The following FAM169A variants were observed in gnomAD, a reference collection of about 807,000 sequenced individuals.
FAM169A encodes soluble lamin-associated protein of 75 kDa.
FAM169A carries 24 observed loss-of-function variants against 75.7 expected under a neutral mutation model. That is an observed-to-expected ratio of 0.32 (90% CI 0.23 to 0.45). The LOEUF is 0.45. FAM169A is among the 20% of genes least tolerant of loss of function. The pLI, the probability that FAM169A is intolerant of heterozygous loss-of-function variation, is 1.00. For missense variants in FAM169A, 673 were observed against 784.0 expected, an observed-to-expected ratio of 0.86 and a Z score of 1.69; for synonymous variants, 271 against 271.0, an observed-to-expected ratio of 1.00 and a Z score of 0.00.
intron 11 of FAM169A, among the ~76,000 whole-genome samples, chr5:74,794,268 CCTGT>C (rs1389306066): frequency 6.7e-6 from 1 of 149,374 alleles, no homozygotes; most frequent in Non-Finnish European, 1.5e-5. Context: ...GTGGCGGGCA[CCTGT>C]ACTCCCAGCT....
chr5:74,782,182 A>C (rs1346907247), intron 12 of FAM169A, among the ~76,000 whole-genome samples, 174 bp from the exon 13 acceptor site: 1 of 152,170 alleles, frequency 6.6e-6, no homozygotes, highest in Non-Finnish European at 1.5e-5. Context: ...TCTGAATACA[A>C]CTCAATTTCT....
At chr5:74,849,185 G>A (rs1261051926) in intron 1 of FAM169A, among the ~76,000 whole-genome samples, 1 of 152,160 alleles carries the variant, frequency 6.6e-6, no homozygotes, top group African/African-American at 2.4e-5. Flanking sequence ...CTAAGATCAT[G>A]AGCATCTGCT....
At chr5:74,838,860 C>A (rs1748704733) in intron 4 of FAM169A, 105 bp downstream of exon 4, 3 of 826,790 alleles carry the variant, frequency 3.6e-6, no homozygotes, top group Non-Finnish European at 6.2e-6. Context: ...TTTAATATAA[C>A]CTGATTATTT....
At chr5:74,798,464 G>T (rs1184530792) in intron 10 of FAM169A, among the ~76,000 whole-genome samples, 2 of 152,002 alleles carry the variant, frequency 1.3e-5, no homozygotes, top group Non-Finnish European at 2.9e-5. Flanking sequence ...TTTATTACTA[G>T]ATTTAAATAT....
Position 74,781,852 on chromosome 5 carries a change from C to T in FAM169A, c.1621G>A (p.Gly541Ser). 1 of 1,614,076 alleles carries T rather than the reference C, an allele frequency of 6.2e-7. No individual in the cohort carries two copies. Among genetic ancestry groups the T allele is most frequent in the Non-Finnish European group, 8.5e-7 (1 of 1,180,006 alleles). The change falls in exon 13 of 13, where the codon GGT becomes AGT. Residue 541 changes from glycine (G) to serine (S), a missense_variant. Coordinates refer to ENST00000687041, the MANE Select transcript of FAM169A (RefSeq NM_001376049.1). ...ATMSNEERSD[G>S]GFPNSVIAEF... ...GCTATCACAGAGTTTGGAAAACCAC[C>T]ATCAGATCGTTCTTCATTTGACATA...
chr5:74,841,928 A>G (rs1337942622), intron 1 of FAM169A, among the ~76,000 whole-genome samples: 2 of 152,212 alleles, frequency 1.3e-5, no homozygotes, highest in African/African-American at 4.8e-5. Context: ...TCCTTACATA[A>G]TAAATATGGT....
intron 5 of FAM169A, among the ~76,000 whole-genome samples, chr5:74,821,557 G>A (rs1028267622): frequency 7.9e-5 from 12 of 152,170 alleles, no homozygotes; most frequent in African/African-American, 2.7e-4. Context: ...ATCCTCAGAT[G>A]AGCGAACCTG....
Position 74,780,952 on chromosome 5 carries a change from AT to A in FAM169A, c.*507del, listed in dbSNP as rs888862051. On this transcript the variant is annotated 3_prime_UTR_variant, in exon 13 of 13. Transcript: ENST00000687041. The stretch of plus-strand genomic sequence containing the variant: ...CGTAAGTTTCTGTTTTTGTGCTCTC[AT>A]TTACTTGAAGTTATATTTTTTCTAA... 1 of 152,378 alleles carries A rather than the reference AT, an allele frequency of 6.6e-6. No individual in the cohort carries two copies. Among genetic ancestry groups the A allele is most frequent in the Admixed American group, 6.5e-5 (1 of 15,300 alleles). 9.4% of individuals were successfully genotyped at this position (152,378 alleles called of 1,614,324 possible).
chr5:74,832,739 A>T (rs1209540100), intron 5 of FAM169A, among the ~76,000 whole-genome samples: 1 of 151,604 alleles, frequency 6.6e-6, no homozygotes, highest in Non-Finnish European at 1.5e-5. Context: ...ATTTCTCTAA[A>T]ATATTTAAAT....
At chr5:74,831,804 C>T (rs1352262546) in intron 5 of FAM169A, among the ~76,000 whole-genome samples, 1 of 152,086 alleles carries the variant, frequency 6.6e-6, no homozygotes, top group Non-Finnish European at 1.5e-5. Context: ...TCTGCTTCCT[C>T]CCTAGAGCTT....
chr5:74,813,252 T>C (rs1018558394), intron 6 of FAM169A, among the ~76,000 whole-genome samples: 1 of 152,206 alleles, frequency 6.6e-6, no homozygotes, highest in Non-Finnish European at 1.5e-5. Context: ...ATTGAACAAC[T>C]ATGAATATAC....
At chr5:74,782,052 T>C (rs1160080157) in intron 12 of FAM169A, 44 bp from the exon 13 acceptor site, 1 of 1,449,104 alleles carries the variant, frequency 6.9e-7, no homozygotes, top group South Asian at 1.3e-5. Flanking sequence ...TGTACTACAG[T>C]TCTAAAAATA....
chr5:74,862,679 A>G (rs1028374137), intron 1 of FAM169A, among the ~76,000 whole-genome samples: 1 of 152,214 alleles, frequency 6.6e-6, no homozygotes, highest in South Asian at 2.1e-4. Context: ...TACACCTTAC[A>G]AGGACTACTG....
intron 11 of FAM169A, 32 bp from the exon 12 acceptor site, chr5:74,783,166 G>A: frequency 6.6e-7 from 1 of 1,511,502 alleles, no homozygotes; most frequent in Non-Finnish European, 9.1e-7. Context: ...AAAAAGTAAG[G>A]ACATGATTAC....
intron 10 of FAM169A, chr5:74,799,099 A>G: frequency 6.1e-6 from 6 of 981,364 alleles, no homozygotes; most frequent in Non-Finnish European, 9.9e-6. Flanking sequence ...GCACATCTAT[A>G]AGAAGAATGG....
At chr5:74,850,476 T>C (rs1749385035) in intron 1 of FAM169A, among the ~76,000 whole-genome samples, 1 of 152,200 alleles carries the variant, frequency 6.6e-6, no homozygotes, top group Non-Finnish European at 1.5e-5. Flanking sequence ...TGGTATGTTT[T>C]AGGCCTTCAA....
At chr5:74,814,237 T>A (rs1580117231) in intron 5 of FAM169A, among the ~76,000 whole-genome samples, 2 of 152,174 alleles carry the variant, frequency 1.3e-5, no homozygotes, top group East Asian at 3.8e-4. Flanking sequence ...TGTTTGCTAG[T>A]AGTATCATCA....
chr5:74,866,488 AC>A, upstream of FAM169A: 3 of 702,028 alleles, frequency 4.3e-6, no homozygotes, highest in Non-Finnish European at 5.2e-6. Flanking sequence ...GGAGCCTGGG[AC>A]GCCGCCCTGC....
At chr5:74,865,505 C>A (rs1750274234) in intron 1 of FAM169A, 1 of 152,188 alleles carries the variant, frequency 6.6e-6, no homozygotes, top group South Asian at 2.1e-4. Context: ...TAATCCAGAC[C>A]CCCGAGCCAT....
Sources: gnomAD v4.1 joint callset for allele counts (sites outside exome capture counted in the v4.1 genomes callset) on GRCh38, gnomAD v4.1.1 for gene constraint, MANE v1.5 for transcripts, NCBI Gene and HGNC (gene_info 2026-07-23, HGNC 2026-07-21) for gene names.